ANKS1B: variants seen among roughly 807,000 people sequenced by gnomAD.
ANKS1B encodes ankyrin repeat and sterile alpha motif domain-containing protein 1B.
A neutral mutation model predicts 148.3 loss-of-function variants in ANKS1B; 36 were observed. The observed-to-expected ratio is 0.24, with a 90% CI of 0.19 to 0.32. ANKS1B has a LOEUF of 0.32. ANKS1B is among the 10% of genes least tolerant of loss of function. The pLI, the probability that ANKS1B is intolerant of heterozygous loss-of-function variation, is 1.00. For synonymous variants in ANKS1B, 542 were observed against 560.8 expected (o/e 0.97, Z 0.47); for missense variants, 1,157 against 1,542.6 (o/e 0.75, Z 4.19).
At chr12:99,309,633 A>G (rs2082868871) in intron 12 of ANKS1B, among the ~76,000 whole-genome samples, 1 of 152,116 alleles carries the variant, frequency 6.6e-6, no homozygotes. Flanking sequence ...ACATAAATAT[A>G]CATGCATATA....
At chr12:99,501,260 G>T (rs1051041741) in intron 10 of ANKS1B, among the ~76,000 whole-genome samples, 1 of 149,242 alleles carries the variant, frequency 6.7e-6, no homozygotes, top group Admixed American at 6.7e-5. Flanking sequence ...CCTTGTTTTT[G>T]TTGGTTCCTG....
intron 17 of ANKS1B, among the ~76,000 whole-genome samples, chr12:98,948,317 C>G (rs536313857): frequency 6.6e-6 from 1 of 152,246 alleles, no homozygotes; most frequent in Non-Finnish European, 1.5e-5. Flanking sequence ...CTGCAGCAAC[C>G]CTTGTTGCAT....
intron 17 of ANKS1B, among the ~76,000 whole-genome samples, chr12:98,946,660 G>A (rs950772901): frequency 6.6e-6 from 1 of 152,142 alleles, no homozygotes; most frequent in African/African-American, 2.4e-5. Context: ...ATTGAAAAAT[G>A]TGATTTGGCT....
chr12:99,384,622 TTCCCCTCCTCTCCCTCCCC>T (rs1045708932), intron 12 of ANKS1B, among the ~76,000 whole-genome samples: 3 of 151,146 alleles, frequency 2.0e-5, no homozygotes, highest in South Asian at 2.1e-4. Context: ...CTGCCCTGCC[TTCCCCTCCTCTCCCTCCCC>T]TCCCCTCCTC....
chr12:99,369,791 T>TAGATAGATAGATGGACGGAC (rs879173702), intron 12 of ANKS1B, among the ~76,000 whole-genome samples: 3 of 148,768 alleles, frequency 2.0e-5, no homozygotes, highest in Non-Finnish European at 4.5e-5. Context: ...GATAGATAGA[T>TAGATAGATAGATGGACGGAC]GGACGGACGG....
chr12:99,619,414 G>C (rs1244919088), intron 9 of ANKS1B, among the ~76,000 whole-genome samples: 2 of 151,948 alleles, frequency 1.3e-5, no homozygotes, highest in Non-Finnish European at 2.9e-5. Context: ...AGCAGCCTGA[G>C]ACACCCTAGT....
intron 21 of ANKS1B, among the ~76,000 whole-genome samples, chr12:98,799,522 G>A (rs181443779): frequency 1.3e-4 from 18 of 139,586 alleles, no homozygotes; most frequent in African/African-American, 2.1e-4. Context: ...ACCTGAGAAC[G>A]GGATGGGAGG....
intron 12 of ANKS1B, among the ~76,000 whole-genome samples, chr12:99,301,645 A>C (rs2081627006): frequency 6.6e-6 from 1 of 152,204 alleles, no homozygotes; most frequent in Admixed American, 6.5e-5. Flanking sequence ...ATATGCTATG[A>C]ACCAGGCACT....
intron 1 of ANKS1B, among the ~76,000 whole-genome samples, chr12:99,982,677 C>T (rs2095719953): frequency 6.6e-6 from 1 of 152,172 alleles, no homozygotes; most frequent in East Asian, 1.9e-4. Flanking sequence ...GAAATATGCA[C>T]ACATTGTCTA....
intron 17 of ANKS1B, among the ~76,000 whole-genome samples, chr12:99,039,453 C>A (rs1024155401): frequency 6.6e-5 from 10 of 152,220 alleles, no homozygotes; most frequent in African/African-American, 2.4e-4. Context: ...CAGCTGAGCC[C>A]TCCGAAGTCA....
chr12:98,974,910 CCTT>C lies in ANKS1B; in HGVS notation c.2778+78244_2778+78246del, dbSNP rs556889083. On this transcript the variant is annotated intron_variant, in intron 17 of 26. Coordinates refer to ENST00000683438, the MANE Select transcript of ANKS1B (RefSeq NM_001352186.2). ...CCTCCCTTCCTTTCCTACCTCCCTC[CCTT>C]CTTTCTTCTTCCCTTTCCTCCTTCT... Among the ~76,000 whole-genome samples the C allele has an allele frequency of 5.2e-3, 774 of 150,090 alleles. 4 individuals carry two copies. Among genetic ancestry groups the C allele is most frequent in the Middle Eastern group, 0.031 (9 of 286 alleles).
At chr12:99,595,840 C>G (rs2097754099) in intron 9 of ANKS1B, among the ~76,000 whole-genome samples, 1 of 151,876 alleles carries the variant, frequency 6.6e-6, no homozygotes, top group African/African-American at 2.4e-5. Flanking sequence ...AATTCAACCA[C>G]TACATTATTC....
intron 16 of ANKS1B, among the ~76,000 whole-genome samples, chr12:99,062,673 G>C (rs1367802515): frequency 6.6e-6 from 1 of 152,128 alleles, no homozygotes; most frequent in African/African-American, 2.4e-5. Flanking sequence ...GCTGCCCTAG[G>C]TTGGGGAGTT....
At chr12:99,024,514 C>T (rs1483569322) in intron 17 of ANKS1B, among the ~76,000 whole-genome samples, 1 of 152,016 alleles carries the variant, frequency 6.6e-6, no homozygotes, top group Non-Finnish European at 1.5e-5. Context: ...GGATGTATTC[C>T]TAGGAATTAG....
chr12:99,827,631 A>G (rs530307116), intron 1 of ANKS1B, among the ~76,000 whole-genome samples: 2 of 152,356 alleles, frequency 1.3e-5, no homozygotes, highest in Admixed American at 1.3e-4. Context: ...TATGTATCCC[A>G]TAACATGTGT....
chr12:99,075,213 G>T (rs1306750745), intron 16 of ANKS1B, among the ~76,000 whole-genome samples: 1 of 152,126 alleles, frequency 6.6e-6, no homozygotes, highest in Non-Finnish European at 1.5e-5. Flanking sequence ...CTGAATCCTG[G>T]TGAATCAAAT....
At chr12:99,830,943 T>C (rs1034371594) in intron 1 of ANKS1B, among the ~76,000 whole-genome samples, 3 of 152,204 alleles carry the variant, frequency 2.0e-5, no homozygotes, top group Admixed American at 6.5e-5. Context: ...TCTGCTCAAA[T>C]GTCATCTCTT....
At chr12:99,050,611 C>T (rs1446892067) in intron 17 of ANKS1B, among the ~76,000 whole-genome samples, 2 of 151,978 alleles carry the variant, frequency 1.3e-5, no homozygotes, top group Non-Finnish European at 2.9e-5. Context: ...TTGTGACAGG[C>T]ACTTCTCCCT....
intron 9 of ANKS1B, among the ~76,000 whole-genome samples, chr12:99,529,518 T>A (rs1490418727): frequency 1.3e-5 from 2 of 152,096 alleles, no homozygotes; most frequent in African/African-American, 4.8e-5. Flanking sequence ...CAGGGCATGG[T>A]GGCGTGTGCC....
Sources: allele counts gnomAD v4.1 joint callset (sites outside exome capture counted in the v4.1 genomes callset), GRCh38; gene constraint gnomAD v4.1.1; transcripts MANE v1.5; gene names NCBI Gene and HGNC (gene_info 2026-07-23, HGNC 2026-07-21).